CHN2: variants seen among roughly 807,000 people sequenced by gnomAD.
CHN2 encodes the protein beta-chimaerin.
Under a neutral mutation model 56.3 loss-of-function variants are expected in CHN2, and 35 were observed. The observed-to-expected ratio is 0.62, with a 90% CI of 0.47 to 0.82. The LOEUF (loss-of-function observed/expected upper bound fraction) is 0.82, where lower values mean the gene tolerates loss of function less well. Ranked by LOEUF, CHN2 falls within the 40% of genes least tolerant of loss-of-function variation. CHN2 has a pLI of 0.00. For missense variants in CHN2, 491 were observed against 580.5 expected (o/e 0.85, Z 1.58); for synonymous variants, 210 against 212.8 (o/e 0.99, Z 0.12).
chr7:29,512,496 C>T, intron 12 of CHN2, 68 bp from the exon 13 acceptor site: 1 of 1,384,896 alleles, frequency 7.2e-7, no homozygotes, highest in Non-Finnish European at 9.9e-7. Context: ...GACTTACATA[C>T]ATAATCAATA....
chr7:29,458,417 A>C (rs111256375), intron 6 of CHN2, among the ~76,000 whole-genome samples: 29 of 138,676 alleles, frequency 2.1e-4, no homozygotes, highest in African/African-American at 6.9e-4. Flanking sequence ...ACACACACAC[A>C]CCCCATGCAT....
chr7:29,411,923 A>G (rs1803254112), intron 6 of CHN2, among the ~76,000 whole-genome samples: 1 of 152,108 alleles, frequency 6.6e-6, no homozygotes, highest in Non-Finnish European at 1.5e-5. Flanking sequence ...TTGGTGCTGC[A>G]TTTAAGTCGG....
intron 6 of CHN2, among the ~76,000 whole-genome samples, chr7:29,470,510 G>A (rs1785933010): frequency 6.6e-6 from 1 of 152,168 alleles, no homozygotes; most frequent in Non-Finnish European, 1.5e-5. Context: ...TATCTTGGTT[G>A]TTTTTAACAT....
rs776443049 is a variant in CHN2 at position 29,500,013 on chromosome 7, A to G, written c.886A>G (p.Ile296Val). Residue 296 changes from isoleucine (I) to valine (V), a missense_variant, in exon 9 of 13, where the codon ATA (isoleucine) becomes GTA (valine). Transcript: ENST00000222792. ...CACTCAGAGACCCATGGTGGTAGAC[A>G]TATGCATTCGGGAAATTGAAGCAAG... ...HNTQRPMVVD[I>V]CIREIEARGL... The G allele has an allele frequency of 6.4e-7, 1 of 1,560,428 alleles. No homozygotes were observed. Among genetic ancestry groups the G allele is most frequent in the Non-Finnish European group, 8.7e-7 (1 of 1,152,774 alleles).
At chr7:29,349,176 A>G (rs1239819144) in intron 1 of CHN2, among the ~76,000 whole-genome samples, 2 of 151,860 alleles carry the variant, frequency 1.3e-5, no homozygotes, top group African/African-American at 4.8e-5. Context: ...TTCTTATGGC[A>G]CTCTTTATCT....
Position 29,327,607 on chromosome 7 carries a change from C to T in CHN2, c.50-27018C>T, listed in dbSNP as rs141586120. Among the ~76,000 whole-genome samples, 4 of 152,226 alleles carry T rather than the reference C, an allele frequency of 2.6e-5. No individual in the cohort carries two copies. The East Asian group carries it at 7.7e-4, about 29-fold the overall frequency. On this transcript the variant is annotated intron_variant, in intron 1 of 12. Transcript: ENST00000222792. ...TCTGTTTAGTCTGTAACTTGAGGCCCATCACTTAAGTCCTGATTCTTTGCC... is the reference window on the plus strand; with the variant it reads ...TCTGTTTAGTCTGTAACTTGAGGCCTATCACTTAAGTCCTGATTCTTTGCC...
At chr7:29,399,916 G>A (rs1229001264) in intron 5 of CHN2, among the ~76,000 whole-genome samples, 3 of 152,138 alleles carry the variant, frequency 2.0e-5, no homozygotes, top group Non-Finnish European at 4.4e-5. Flanking sequence ...GGAAGGTCAG[G>A]GCCCAGAGAG....
intron 1 of CHN2, among the ~76,000 whole-genome samples, chr7:29,324,411 G>A (rs532996127): frequency 3.9e-5 from 6 of 152,246 alleles, no homozygotes; most frequent in South Asian, 2.1e-4. Context: ...CTCAAAGTCC[G>A]CTTGGCCCAA....
At chr7:29,352,538 G>A (rs541118772) in intron 1 of CHN2, among the ~76,000 whole-genome samples, 7 of 152,106 alleles carry the variant, frequency 4.6e-5, no homozygotes, top group African/African-American at 9.6e-5. Context: ...CCTGGCCAAC[G>A]CGGTGAAACT....
intron 1 of CHN2, among the ~76,000 whole-genome samples, chr7:29,288,380 AATG>A (rs1277888212): frequency 4.6e-5 from 7 of 152,210 alleles, no homozygotes; most frequent in African/African-American, 1.7e-4. Context: ...GTGGTTGTGA[AATG>A]ATGCAAAAGA....
At chr7:29,480,000 C>T (rs906249071) in intron 6 of CHN2, 5 of 1,493,180 alleles carry the variant, frequency 3.3e-6, no homozygotes, top group Admixed American at 2.2e-5. Context: ...CAGACAGGAC[C>T]CAGCTGCCTC....
At chr7:29,498,603 A>G (rs1789557456) in intron 8 of CHN2, among the ~76,000 whole-genome samples, 1 of 152,178 alleles carries the variant, frequency 6.6e-6, no homozygotes, top group Non-Finnish European at 1.5e-5. Flanking sequence ...GCAGATGACT[A>G]CAATATTCCT....
intron 3 of CHN2, among the ~76,000 whole-genome samples, chr7:29,372,483 G>A (rs867577286): frequency 5.7e-4 from 87 of 152,122 alleles, no homozygotes; most frequent in African/African-American, 2.0e-3. Flanking sequence ...GCTTGTATAT[G>A]CCTCTCCAGG....
At chr7:29,442,845 ACCTGAAT>A (rs1460559741) in intron 6 of CHN2, among the ~76,000 whole-genome samples, 1 of 151,546 alleles carries the variant, frequency 6.6e-6, no homozygotes, top group Non-Finnish European at 1.5e-5. Context: ...AGCGATTAAT[ACCTGAAT>A]GCTGCCTAGG....
At chr7:29,209,678 A>T (rs1784776243) in intron 1 of CHN2, among the ~76,000 whole-genome samples, 1 of 152,330 alleles carries the variant, frequency 6.6e-6, no homozygotes, top group Non-Finnish European at 1.5e-5. Context: ...AGGGAATAAT[A>T]GTAGATGATT....
At chr7:29,505,413 C>G (rs1275784611) in intron 10 of CHN2, among the ~76,000 whole-genome samples, 1 of 152,176 alleles carries the variant, frequency 6.6e-6, no homozygotes, top group Non-Finnish European at 1.5e-5. Context: ...TGGATAGAGC[C>G]TACTGGATAG....
At chr7:29,494,490 C>G (rs1789022308) in intron 7 of CHN2, among the ~76,000 whole-genome samples, 2 of 152,082 alleles carry the variant, frequency 1.3e-5, no homozygotes, top group South Asian at 2.1e-4. Flanking sequence ...TGGTAGGCCT[C>G]TAAGTGAATT....
intron 1 of CHN2, chr7:29,213,156 C>T: frequency 1.3e-6 from 2 of 1,482,842 alleles, no homozygotes; most frequent in Non-Finnish European, 1.9e-6. Flanking sequence ...TTTTAGTACT[C>T]CACAAACCAT....
At chr7:29,470,977 A>C (rs546183946) in intron 6 of CHN2, among the ~76,000 whole-genome samples, 4 of 152,372 alleles carry the variant, frequency 2.6e-5, no homozygotes. Context: ...CATCTAGGGC[A>C]AGAAGGAAGA....
Sources: gnomAD v4.1 joint callset for allele counts (sites outside exome capture counted in the v4.1 genomes callset) on GRCh38, gnomAD v4.1.1 for gene constraint, MANE v1.5 for transcripts, NCBI Gene and HGNC (gene_info 2026-07-23, HGNC 2026-07-21) for gene names.